The following RFX8 variants were observed in gnomAD, a reference collection of about 807,000 sequenced individuals.
The protein encoded by RFX8 is DNA-binding protein RFX8.
A neutral mutation model predicts 54.6 loss-of-function variants in RFX8; 46 were observed. That is an observed-to-expected ratio of 0.84 (90% CI 0.67 to 1.08). The LOEUF (loss-of-function observed/expected upper bound fraction) is 1.08. Ranked by LOEUF, RFX8 falls within the 50% of genes least tolerant of loss-of-function variation. RFX8 has a pLI of 0.00. For missense variants in RFX8, 536 were observed against 562.3 expected, an observed-to-expected ratio of 0.95 and a Z score of 0.47; for synonymous variants, 192 against 209.5, an observed-to-expected ratio of 0.92 and a Z score of 0.72.
chr2:101,451,988 G>C (rs1427417453), intron 2 of RFX8, among the ~76,000 whole-genome samples: 1 of 152,044 alleles, frequency 6.6e-6, no homozygotes, highest in East Asian at 1.9e-4. Flanking sequence ...AGCTACTCAG[G>C]AGGCTGAAGT....
intron 2 of RFX8, among the ~76,000 whole-genome samples, chr2:101,457,552 A>G (rs1011889847): frequency 1.3e-5 from 2 of 152,116 alleles, no homozygotes; most frequent in Non-Finnish European, 2.9e-5. Flanking sequence ...TTCTAATTTG[A>G]TTGCACTGTG....
Position 101,397,703 on chromosome 2 carries a change from C to T in RFX8, c.1267G>A (p.Asp423Asn). 1 of 1,550,310 alleles carries T rather than the reference C, an allele frequency of 6.5e-7. No individual in the cohort carries two copies. Among genetic ancestry groups the T allele is most frequent in the South Asian group, 1.2e-5 (1 of 83,650 alleles). Reference sequence around the variant, plus strand: ...TTAACTGCGCTTTCAGTGGTTTCATCTTCCAACAGCACCTGGATGAGCTGC... The same window carrying T: ...TTAACTGCGCTTTCAGTGGTTTCATTTTCCAACAGCACCTGGATGAGCTGC... ...GNKLIQVLLE[D>N]ETTESAVKLS... The change falls in exon 12 of 12, where the codon GAT (aspartate) becomes AAT (asparagine). Residue 423 changes from aspartate (D) to asparagine (N), a missense_variant. By Grantham distance (23) the Asp-to-Asn change is conservative. Transcript: ENST00000428343.
intron 5 of RFX8, among the ~76,000 whole-genome samples, chr2:101,418,618 CT>C (rs1221710196): frequency 1.3e-5 from 2 of 152,336 alleles, no homozygotes; most frequent in Non-Finnish European, 2.9e-5. Context: ...TCGGACTTCA[CT>C]GATATGGAAC....
intron 9 of RFX8, among the ~76,000 whole-genome samples, chr2:101,408,443 C>T (rs1441874699): frequency 6.6e-6 from 1 of 151,492 alleles, no homozygotes; most frequent in Non-Finnish European, 1.5e-5. Flanking sequence ...CGAGATCGCG[C>T]CACTGCACTC....
chr2:101,405,201 C>T (rs182350675), intron 10 of RFX8, among the ~76,000 whole-genome samples: 9 of 149,252 alleles, frequency 6.0e-5, no homozygotes, highest in East Asian at 2.0e-4. Flanking sequence ...GGCTGGAGTG[C>T]GTTGGTGCAA....
intron 2 of RFX8, among the ~76,000 whole-genome samples, chr2:101,446,239 G>A (rs930246940): frequency 6.6e-6 from 1 of 152,070 alleles, no homozygotes; most frequent in Non-Finnish European, 1.5e-5. Context: ...GCAGTGGCGT[G>A]ATCTCAGCTC....
chr2:101,471,335 G>GAACA (rs534183168), intron 1 of RFX8, among the ~76,000 whole-genome samples: 132 of 151,944 alleles, frequency 8.7e-4, no homozygotes, highest in African/African-American at 3.1e-3. Context: ...CTCCATCTCA[G>GAACA]AACAAACAAA....
At chr2:101,412,547 G>C (rs1686199213) in intron 8 of RFX8, among the ~76,000 whole-genome samples, 1 of 152,200 alleles carries the variant, frequency 6.6e-6, no homozygotes, top group African/African-American at 2.4e-5. Flanking sequence ...GCATGATTGA[G>C]GAGACACAGG....
At chr2:101,410,859 A>G (rs1221210020) in intron 8 of RFX8, 146 bp from the exon 9 acceptor site, 1 of 591,266 alleles carries the variant, frequency 1.7e-6, no homozygotes, top group African/African-American at 1.9e-5. Context: ...TTGTGAACAC[A>G]GAGGATGTCC....
Position 101,402,486 on chromosome 2 carries a change from T to C in RFX8, c.1195A>G (p.Met399Val). ...AGGAAGCCCAGGATCCTGAGGACCA[T>C]GTTGCTCACACCCACGGGATATCGG... ...QGRYPVGVSNMVLRILGFLVD... is the reference protein window; with the variant it reads ...QGRYPVGVSNVVLRILGFLVD... The change falls in exon 11 of 12, where the codon ATG becomes GTG. Residue 399 changes from methionine to valine, a missense_variant. Met to Val is a conservative substitution (Grantham distance 21). Transcript: ENST00000428343. The C allele has an allele frequency of 6.4e-7, 1 of 1,551,742 alleles. No individual in the cohort carries two copies. Among genetic ancestry groups the C allele is most frequent in the Non-Finnish European group, 8.7e-7 (1 of 1,146,980 alleles).
chr2:101,469,138 G>GTATATATATATAAGTATA (rs1558897184), intron 1 of RFX8, among the ~76,000 whole-genome samples: 1 of 113,566 alleles, frequency 8.8e-6, no homozygotes, highest in African/African-American at 3.6e-5. Flanking sequence ...ATATATATAA[G>GTATATATATATAAGTATA]TATATATATA....
intron 2 of RFX8, chr2:101,450,673 A>G (rs1688626527): frequency 1.4e-6 from 2 of 1,476,282 alleles, no homozygotes; most frequent in Admixed American, 2.0e-5. Flanking sequence ...ATTCCATCAT[A>G]ATGATACCTG....
intron 1 of RFX8, among the ~76,000 whole-genome samples, chr2:101,469,114 ATATATATAAG>A (rs1421078044): frequency 8.1e-5 from 10 of 123,014 alleles, no homozygotes; most frequent in East Asian, 2.4e-4. Flanking sequence ...ATAAGTGTAT[ATATATATAAG>A]TATATATATA....
intron 4 of RFX8, among the ~76,000 whole-genome samples, chr2:101,420,534 C>A (rs575398720): frequency 6.6e-6 from 1 of 152,110 alleles, no homozygotes; most frequent in Non-Finnish European, 1.5e-5. Context: ...CAGAGCAAGA[C>A]TGCGTCTCAC....
intron 11 of RFX8, among the ~76,000 whole-genome samples, chr2:101,399,669 G>C (rs749780246): frequency 6.6e-6 from 1 of 152,192 alleles, no homozygotes; most frequent in African/African-American, 2.4e-5. Flanking sequence ...CTAGGAAATA[G>C]TCTAAGCATT....
chr2:101,401,495 T>C (rs192914903), intron 11 of RFX8, among the ~76,000 whole-genome samples: 2 of 152,316 alleles, frequency 1.3e-5, no homozygotes, highest in African/African-American at 4.8e-5. Context: ...CCTGCCTCAA[T>C]TTCCTACTAA....
chr2:101,418,726 C>T, intron 5 of RFX8, 125 bp downstream of exon 5: 1 of 696,110 alleles, frequency 1.4e-6, no homozygotes, highest in Non-Finnish European at 2.6e-6. Flanking sequence ...CTGGTCCATA[C>T]ACCCCACTAT....
chr2:101,403,494 T>C (rs2104518271), intron 10 of RFX8, among the ~76,000 whole-genome samples: 1 of 152,300 alleles, frequency 6.6e-6, no homozygotes, highest in South Asian at 2.1e-4. Flanking sequence ...AGATATAAAA[T>C]GGACACATCA....
chr2:101,465,832 G>A (rs1689544852), intron 2 of RFX8, among the ~76,000 whole-genome samples: 1 of 152,206 alleles, frequency 6.6e-6, no homozygotes, highest in Admixed American at 6.5e-5. Context: ...TGACCTTTGA[G>A]CACATCTGAG....
Sources: allele counts gnomAD v4.1 joint callset (sites outside exome capture counted in the v4.1 genomes callset), GRCh38; gene constraint gnomAD v4.1.1; transcripts MANE v1.5; gene names NCBI Gene and HGNC (gene_info 2026-07-23, HGNC 2026-07-21).